The following NDFIP1 variants were observed in gnomAD, a reference collection of about 807,000 sequenced individuals.
NDFIP1 encodes the protein Nedd4 family interacting protein 1.
A neutral mutation model predicts 28.8 loss-of-function variants in NDFIP1; 7 were observed. That is an observed-to-expected ratio of 0.24 (90% CI 0.14 to 0.46). NDFIP1 has a LOEUF of 0.46. Ranked by LOEUF, NDFIP1 falls within the 20% of genes least tolerant of loss-of-function variation. The pLI, the probability that NDFIP1 is intolerant of heterozygous loss-of-function variation, is 0.99. For missense variants in NDFIP1, 194 were observed against 269.1 expected (o/e 0.72, Z 1.95); for synonymous variants, 92 against 101.0 (o/e 0.91, Z 0.53).
chr5:142,126,899 A>G (rs1220218093), intron 1 of NDFIP1, among the ~76,000 whole-genome samples: 1 of 152,204 alleles, frequency 6.6e-6, no homozygotes, highest in Non-Finnish European at 1.5e-5. Flanking sequence ...AATTAGAACT[A>G]TATATGATTT....
At chr5:142,129,084 T>C (rs56242584) in intron 1 of NDFIP1, among the ~76,000 whole-genome samples, 44,863 of 151,904 alleles carry the variant, frequency 0.3, 7,340 homozygotes, top group Non-Finnish European at 0.37. Flanking sequence ...TCAGGAAATA[T>C]AAAACGGGTT....
chr5:142,129,818 A>T, intron 1 of NDFIP1, among the ~76,000 whole-genome samples: 1 of 151,546 alleles, frequency 6.6e-6, no homozygotes, highest in East Asian at 1.9e-4. Flanking sequence ...GTCTGAGGCA[A>T]CAGAATTGCT....
At chr5:142,109,119 G>C in intron 1 of NDFIP1, 82 bp downstream of exon 1, 2 of 1,184,580 alleles carry the variant, frequency 1.7e-6, no homozygotes, top group Non-Finnish European at 2.1e-6. Flanking sequence ...TCTCTGGCCG[G>C]CCCGCGGCCA....
At chr5:142,114,123 C>T (rs1757041504) in intron 1 of NDFIP1, among the ~76,000 whole-genome samples, 1 of 152,312 alleles carries the variant, frequency 6.6e-6, no homozygotes, top group East Asian at 1.9e-4. Context: ...TTTCGAGAAA[C>T]TCCCATACTG....
At chr5:142,142,940 A>AATATATATATATATATATATATATATAT (rs1554092157) in intron 6 of NDFIP1, 1 of 38,146 alleles carries the variant, frequency 2.6e-5, no homozygotes, top group Non-Finnish European at 4.4e-5. Context: ...AAAAAAAAAA[A>AATATATATATATATATATATATATATAT]ATATATATAT....
intron 4 of NDFIP1, among the ~76,000 whole-genome samples, chr5:142,136,847 C>T (rs534443349): frequency 6.6e-6 from 1 of 150,972 alleles, no homozygotes; most frequent in African/African-American, 2.4e-5. Context: ...GGGCGAATCA[C>T]CTGGGGCTAG....
At chr5:142,119,978 C>T (rs1031648909) in intron 1 of NDFIP1, among the ~76,000 whole-genome samples, 15 of 152,122 alleles carry the variant, frequency 9.9e-5, no homozygotes, top group Admixed American at 6.5e-4. Flanking sequence ...ATTTTTGAGA[C>T]GGAGTCTCGC....
chr5:142,118,109 T>C (rs544517027), intron 1 of NDFIP1, among the ~76,000 whole-genome samples: 1 of 152,312 alleles, frequency 6.6e-6, no homozygotes, highest in African/African-American at 2.4e-5. Flanking sequence ...CAGCTTTCCC[T>C]ATTAGCATCT....
At chr5:142,124,366 C>G (rs1192706435) in intron 1 of NDFIP1, among the ~76,000 whole-genome samples, 1 of 152,130 alleles carries the variant, frequency 6.6e-6, no homozygotes, top group Non-Finnish European at 1.5e-5. Context: ...TCACTTGTTA[C>G]TTGGACCTAT....
chr5:142,109,157 GCTGGGC>G (rs1484019307), intron 1 of NDFIP1, 120 bp downstream of exon 1: 3 of 945,284 alleles, frequency 3.2e-6, no homozygotes, highest in Non-Finnish European at 4.1e-6. Flanking sequence ...GGCAGGCCGC[GCTGGGC>G]CTGGAGGGGC....
At chr5:142,131,952 T>C in intron 2 of NDFIP1, 57 bp downstream of exon 2, 1 of 1,444,078 alleles carries the variant, frequency 6.9e-7, no homozygotes, top group Non-Finnish European at 9.4e-7. Context: ...TGCTTTGACA[T>C]TACAGTTTAA....
At position 142,152,223 on chromosome 5, in the gene NDFIP1, A is replaced by C. The variant is rs2126925988; in HGVS notation, c.*495A>C. ...TATTTGCTGTTCAAGTTAATCTAGA[A>C]ATTTATTCAATTCTGTATGAACACC... is the stretch of plus-strand genomic sequence containing the variant. On this transcript the variant is annotated 3_prime_UTR_variant, in exon 8 of 8. Coordinates refer to ENST00000253814, the MANE Select transcript of NDFIP1 (RefSeq NM_030571.4). 6.5e-6 allele frequency: 1 copy of C among 152,898 alleles called. No individual in the cohort carries two copies. The highest frequency in any genetic ancestry group is 1.9e-4 in the East Asian group (1 of 5,324). The allele number at this position is 152,898 out of a possible 1,614,324, so 9.5% of individuals were successfully genotyped here.
rs186287082 is a variant in NDFIP1 at position 142,134,293 on chromosome 5, C to T, written c.283-1437C>T. Reference sequence around the variant, plus strand: ...ACAGGAAGAACAGTTAGAAGGTGTTCGTAATATTATTAGATGTTACTTCCA... The same window carrying T: ...ACAGGAAGAACAGTTAGAAGGTGTTTGTAATATTATTAGATGTTACTTCCA... On this transcript the variant is annotated intron_variant, in intron 3 of 7. Coordinates refer to ENST00000253814, the MANE Select transcript of NDFIP1 (RefSeq NM_030571.4). Among the ~76,000 whole-genome samples, 394 of 152,020 alleles carry T rather than the reference C, an allele frequency of 2.6e-3. 2 individuals are homozygous for T. The highest frequency in any genetic ancestry group is 9.1e-3 in the African/African-American group (379 of 41,478).
At chr5:142,125,745 T>C (rs1481281834) in intron 1 of NDFIP1, among the ~76,000 whole-genome samples, 2 of 152,206 alleles carry the variant, frequency 1.3e-5, no homozygotes, top group African/African-American at 4.8e-5. Context: ...GTATTAGAGT[T>C]CCCGTTTCTC....
At chr5:142,125,732 A>G (rs1161387831) in intron 1 of NDFIP1, among the ~76,000 whole-genome samples, 1 of 152,194 alleles carries the variant, frequency 6.6e-6, no homozygotes, top group Non-Finnish European at 1.5e-5. Context: ...TCCCACCAGC[A>G]GTGTATTAGA....
chr5:142,113,760 T>G (rs1757038407), intron 1 of NDFIP1, among the ~76,000 whole-genome samples: 1 of 152,192 alleles, frequency 6.6e-6, no homozygotes, highest in Admixed American at 6.5e-5. Context: ...ACTTTCTATG[T>G]ATTTGACTAC....
intron 4 of NDFIP1, among the ~76,000 whole-genome samples, chr5:142,136,737 A>G (rs1200019018): frequency 2.3e-5 from 3 of 129,492 alleles, no homozygotes; most frequent in Admixed American, 8.5e-5. Flanking sequence ...CCTGGGGGAC[A>G]AGAGTGAGAC....
chr5:142,132,297 G>A lies in NDFIP1; in HGVS notation c.237G>A (p.Ala79=), dbSNP rs183578770. The A allele has an allele frequency of 8.1e-6, 13 of 1,614,054 alleles. No homozygotes were observed. The highest frequency in any genetic ancestry group is 1.6e-4 in the Middle Eastern group (1 of 6,084). ...CAACACTGCCCAGTTATGATGAAGC[G>A]GAGAGGACCAAGGCTGAAGCTACTA... ...VATTLPSYDE[A]ERTKAEATIP... The change falls in exon 3 of 8, where the codon GCG becomes GCA. Residue 79 remains alanine (A), a synonymous_variant. Coordinates refer to ENST00000253814, the MANE Select transcript of NDFIP1 (RefSeq NM_030571.4).
chr5:142,128,048 A>G (rs1449707522), intron 1 of NDFIP1, among the ~76,000 whole-genome samples: 1 of 152,190 alleles, frequency 6.6e-6, no homozygotes, highest in Non-Finnish European at 1.5e-5. Flanking sequence ...TTTATTATCT[A>G]TCACAGTCAC....
Sources: allele counts gnomAD v4.1 joint callset (sites outside exome capture counted in the v4.1 genomes callset), GRCh38; gene constraint gnomAD v4.1.1; transcripts MANE v1.5; gene names NCBI Gene and HGNC (gene_info 2026-07-23, HGNC 2026-07-21).